MAMLD1: variants seen among roughly 807,000 people sequenced by gnomAD.
The protein encoded by MAMLD1 is mastermind like domain containing 1.
MAMLD1 carries 14 observed loss-of-function variants against 45.0 expected under a neutral mutation model. The observed-to-expected ratio is 0.31, with a 90% confidence interval of 0.21 to 0.49. The LOEUF (loss-of-function observed/expected upper bound fraction) is 0.49. MAMLD1 is among the 20% of genes least tolerant of loss of function. The pLI is 0.99. For missense variants in MAMLD1, 543 were observed against 603.6 expected (o/e 0.90, Z 1.05); for synonymous variants, 254 against 247.8 (o/e 1.02, Z -0.24).
At chrX:150,450,364 A>G in intron 2 of MAMLD1, among the ~76,000 whole-genome samples, 1 of 112,109 alleles carries the variant, frequency 8.9e-6, no homozygotes, top group East Asian at 2.8e-4. Flanking sequence ...CTTTGCCAGC[A>G]GCCCCTGCTT....
At chrX:150,366,966 A>AGAG (rs1557400763) in intron 1 of MAMLD1, among the ~76,000 whole-genome samples, 1 of 107,539 alleles carries the variant, frequency 9.3e-6, no homozygotes, top group Non-Finnish European at 1.9e-5. Context: ...CCCTTTAAAA[A>AGAG]TATCACAAAG....
intron 5 of MAMLD1, among the ~76,000 whole-genome samples, chrX:150,478,716 C>A (rs188785434): frequency 1.8e-5 from 2 of 112,374 alleles, no homozygotes; most frequent in Admixed American, 9.4e-5. Flanking sequence ...GGGTCAGAGC[C>A]GGGGCCTGCC....
At chrX:150,503,551 A>C in intron 6 of MAMLD1, 34 bp downstream of exon 6, 2 of 874,235 alleles carry the variant, frequency 2.3e-6, no homozygotes, top group Non-Finnish European at 3.3e-6. Flanking sequence ...CGCTTTCCTC[A>C]TCTGTCAACG....
intron 1 of MAMLD1, among the ~76,000 whole-genome samples, chrX:150,396,332 A>C: frequency 9.2e-6 from 1 of 108,919 alleles, no homozygotes; most frequent in Middle Eastern, 4.7e-3. Context: ...TCAAAGCTAT[A>C]AATTTCTTCT....
At chrX:150,378,950 G>A (rs921054217) in intron 1 of MAMLD1, among the ~76,000 whole-genome samples, 1 of 111,671 alleles carries the variant, frequency 9.0e-6, no homozygotes. Context: ...TTCTTTTAGT[G>A]AAGAATGGTA....
intron 1 of MAMLD1, among the ~76,000 whole-genome samples, chrX:150,371,567 G>A (rs1252442718): frequency 8.9e-6 from 1 of 111,847 alleles, no homozygotes; most frequent in Non-Finnish European, 1.9e-5. Flanking sequence ...TGGGTCTTTG[G>A]AGCATAAAGA....
intron 1 of MAMLD1, among the ~76,000 whole-genome samples, chrX:150,398,313 A>AGAAGAG (rs2033561770): frequency 1.0e-5 from 1 of 99,701 alleles, no homozygotes; most frequent in East Asian, 3.0e-4. Flanking sequence ...AAGAAGAAGA[A>AGAAGAG]GAAGAAGAAG....
In MAMLD1 at chrX:150,464,805, T is replaced by A. The variant is rs73615204; in HGVS notation, c.171+1959T>A. 1.4e-3 allele frequency among the ~76,000 whole-genome samples: 155 copies of A among 112,012 alleles called. 1 individual carries two copies. Among genetic ancestry groups the A allele is most frequent in the African/African-American group, 4.9e-3 (151 of 30,824 alleles). ...TCAGAGGGCTTGAAGTCTAATTTAG[T>A]TGGCCAACATCAGGTGCCTCAAAAT... On this transcript the variant is annotated intron_variant, in intron 3 of 7. Coordinates refer to ENST00000370401, the MANE Select transcript of MAMLD1 (RefSeq NM_005491.5).
At chrX:150,501,824 CAT>C in intron 5 of MAMLD1, among the ~76,000 whole-genome samples, 1 of 112,308 alleles carries the variant, frequency 8.9e-6, no homozygotes, top group East Asian at 2.8e-4. Context: ...ACTTGCTTAT[CAT>C]ATAACATGCT....
chrX:150,506,248 G>T (rs1019631765), intron 6 of MAMLD1, among the ~76,000 whole-genome samples: 6 of 109,623 alleles, frequency 5.5e-5, no homozygotes, highest in Non-Finnish European at 1.1e-4. Context: ...GCATGGAGGG[G>T]TAGATAATCT....
intron 1 of MAMLD1, among the ~76,000 whole-genome samples, chrX:150,428,469 A>C (rs1316940527): frequency 8.9e-6 from 1 of 112,573 alleles, no homozygotes; most frequent in East Asian, 2.8e-4. Flanking sequence ...ATTGTTCATG[A>C]GTGAGAAACA....
rs1242287024 is a variant in MAMLD1 at position 150,392,395 on chromosome X, G to T, written c.-64+28865G>T. Among the ~76,000 whole-genome samples, 25 of 111,058 alleles carry T rather than the reference G, an allele frequency of 2.3e-4. No individual in the cohort carries two copies. The Admixed American group carries it at 2.4e-3, about 11-fold the overall frequency. On this transcript the variant is annotated intron_variant, in intron 1 of 7. Coordinates refer to ENST00000370401, the MANE Select transcript of MAMLD1 (RefSeq NM_005491.5). ...CCACCTCACTAATACCTGAGGTGGG[G>T]GTTACTTGGTAAAGTCTAGTGCTGA...
chrX:150,481,494 C>T (rs1320282862), intron 5 of MAMLD1, among the ~76,000 whole-genome samples: 4 of 111,779 alleles, frequency 3.6e-5, no homozygotes, highest in Non-Finnish European at 7.5e-5. Context: ...AGAGAAATAC[C>T]GTATGATCCA....
chrX:150,504,260 C>G lies in MAMLD1; in HGVS notation c.2284+743C>G, dbSNP rs781798342. On this transcript the variant is annotated intron_variant, in intron 6 of 7. Coordinates refer to ENST00000370401, the MANE Select transcript of MAMLD1 (RefSeq NM_005491.5). The stretch of plus-strand genomic sequence containing the variant: ...AGGGGACCTTTGCAGAGAATTGCAT[C>G]TGGTGCATAAAATATCAATGTGCAC... 4 of 751,363 alleles carry G rather than the reference C, an allele frequency of 5.3e-6. No individual in the cohort carries two copies. In the Admixed American group the frequency reaches 3.5e-4, roughly 66 times the overall value. The allele number at this position is 751,363 out of a possible 1,213,427, so 61.9% of individuals were successfully genotyped here. A position where few individuals can be genotyped will look rare whatever the true frequency, so the allele number is the denominator to read the frequency against.
chrX:150,495,051 C>T (rs939101994), intron 5 of MAMLD1, among the ~76,000 whole-genome samples: 1 of 111,716 alleles, frequency 9.0e-6, no homozygotes, highest in Admixed American at 9.5e-5. Flanking sequence ...ACTAAAAATA[C>T]AAAAATTAGC....
intron 5 of MAMLD1, among the ~76,000 whole-genome samples, chrX:150,493,731 A>G (rs1465946294): frequency 1.8e-5 from 2 of 111,670 alleles, no homozygotes; most frequent in African/African-American, 6.5e-5. Context: ...GCGGATTTCC[A>G]CAGATGGCTC....
intron 2 of MAMLD1, among the ~76,000 whole-genome samples, chrX:150,454,012 C>T (rs1380830144): frequency 2.7e-5 from 3 of 112,512 alleles, no homozygotes; most frequent in Non-Finnish European, 5.6e-5. Flanking sequence ...TCTCCCTGGC[C>T]TGTGCTCATT....
intron 1 of MAMLD1, among the ~76,000 whole-genome samples, chrX:150,384,558 G>C (rs1161922979): frequency 8.9e-6 from 1 of 111,792 alleles, no homozygotes. Context: ...CTCCCATTCT[G>C]TGGGTCATAT....
intron 3 of MAMLD1, among the ~76,000 whole-genome samples, chrX:150,466,366 T>G (rs2036220082): frequency 8.9e-6 from 1 of 112,107 alleles, no homozygotes; most frequent in Non-Finnish European, 1.9e-5. Flanking sequence ...TTCCATGAAA[T>G]CCAAAACATG....
Sources: allele counts gnomAD v4.1 joint callset (sites outside exome capture counted in the v4.1 genomes callset), GRCh38; gene constraint gnomAD v4.1.1; transcripts MANE v1.5; gene names NCBI Gene and HGNC (gene_info 2026-07-23, HGNC 2026-07-21).